Variants in RIMBP2 observed in about 807,000 individuals in gnomAD.
RIMBP2 encodes the protein RIMS-binding protein 2.
RIMBP2 carries 48 observed loss-of-function variants against 118.6 expected under a neutral mutation model. The observed-to-expected ratio is 0.40, with a 90% CI of 0.32 to 0.51. The LOEUF is 0.51. Ranked by LOEUF, RIMBP2 falls within the 20% of genes least tolerant of loss-of-function variation. The pLI is 0.41. For missense variants in RIMBP2, 1,551 were observed against 1,768.3 expected (o/e 0.88, Z 2.20); for synonymous variants, 762 against 742.9 (o/e 1.03, Z -0.42).
chr12:130,639,377 C>G (rs1486825914), intron 1 of RIMBP2, among the ~76,000 whole-genome samples: 2 of 90,732 alleles, frequency 2.2e-5, no homozygotes, highest in African/African-American at 3.6e-5. Flanking sequence ...CAATAAAACT[C>G]CATCTTAAAA....
At chr12:130,541,344 T>A (rs2054585663) in intron 2 of RIMBP2, among the ~76,000 whole-genome samples, 1 of 152,224 alleles carries the variant, frequency 6.6e-6, no homozygotes, top group Admixed American at 6.5e-5. Flanking sequence ...TTCCTTATAG[T>A]AATTCTTAGT....
intron 2 of RIMBP2, among the ~76,000 whole-genome samples, chr12:130,583,968 C>T (rs991559805): frequency 1.3e-5 from 2 of 150,496 alleles, no homozygotes; most frequent in Non-Finnish European, 3.0e-5. Context: ...ACCATCACCA[C>T]CAACACATCA....
intron 2 of RIMBP2, among the ~76,000 whole-genome samples, chr12:130,546,526 C>T (rs1382021658): frequency 6.6e-6 from 1 of 152,122 alleles, no homozygotes; most frequent in East Asian, 1.9e-4. Context: ...AAATTCCCGG[C>T]CTCAAGTGAT....
At chr12:130,657,051 T>C (rs1371759233) in intron 1 of RIMBP2, among the ~76,000 whole-genome samples, 1 of 152,222 alleles carries the variant, frequency 6.6e-6, no homozygotes, top group Non-Finnish European at 1.5e-5. Context: ...TGTACCACCA[T>C]GCCTACTATT....
chr12:130,519,448 A>C (rs1251773092), intron 2 of RIMBP2, among the ~76,000 whole-genome samples: 1 of 152,264 alleles, frequency 6.6e-6, no homozygotes, highest in African/African-American at 2.4e-5. Context: ...ACCTTAGGGA[A>C]AGTGATTGAT....
chr12:130,555,556 T>C (rs903748881), intron 2 of RIMBP2, among the ~76,000 whole-genome samples: 2 of 152,136 alleles, frequency 1.3e-5, no homozygotes, highest in Admixed American at 6.5e-5. Context: ...GAAAAACACA[T>C]TGAAGTGGTA....
chr12:130,438,344 A>AAAAAAAAACC, intron 12 of RIMBP2, 21 bp downstream of exon 12: 1 of 685,544 alleles, frequency 1.5e-6, no homozygotes, highest in Non-Finnish European at 2.3e-6. Context: ...AACCCTCCCC[A>AAAAAAAAACC]CCCACCCAAC....
chr12:130,598,715 A>G (rs1254782517), intron 2 of RIMBP2, among the ~76,000 whole-genome samples: 2 of 151,490 alleles, frequency 1.3e-5, no homozygotes, highest in Admixed American at 1.3e-4. Context: ...GCGACTGAGC[A>G]AGACTCCATT....
At chr12:130,616,509 G>A (rs542678391) in intron 2 of RIMBP2, among the ~76,000 whole-genome samples, 1 of 152,280 alleles carries the variant, frequency 6.6e-6, no homozygotes, top group East Asian at 1.9e-4. Flanking sequence ...TGTCTACAAG[G>A]CAGGATTATT....
chr12:130,481,889 C>T (rs562646601), intron 4 of RIMBP2, among the ~76,000 whole-genome samples: 91 of 152,268 alleles, frequency 6.0e-4, no homozygotes, highest in African/African-American at 1.9e-3. Context: ...CCATTTCTAA[C>T]GGTCTCTTTC....
chr12:130,704,782 G>A (rs954676175), intron 1 of RIMBP2, among the ~76,000 whole-genome samples: 2 of 152,090 alleles, frequency 1.3e-5, no homozygotes, highest in African/African-American at 2.4e-5. Flanking sequence ...CCTGCAAGAC[G>A]GGCCGAGGCT....
chr12:130,598,726 TAA>T lies in RIMBP2; in HGVS notation c.-217+29594_-217+29595del, dbSNP rs137872494. 2.8e-3 allele frequency among the ~76,000 whole-genome samples: 400 copies of T among 140,524 alleles called. 1 individual carries two copies. The highest frequency in any genetic ancestry group is 0.026 in the Middle Eastern group (7 of 266). 92.2% of individuals were successfully genotyped at this position (140,524 alleles called of 152,430 possible). ...CTGGGCGACTGAGCAAGACTCCATT[TAA>T]AAAAAAAAAAAAAATTGGAGAACAT... On this transcript the variant is annotated intron_variant, in intron 2 of 22. Transcript: ENST00000690449.
rs765205251 is a variant in RIMBP2 at position 130,434,742 on chromosome 12, C to G, written c.2245G>C (p.Gly749Arg). The stretch of plus-strand genomic sequence containing the variant: ...GCCCGGCCCGCTCTCACCTGCTTGC[C>G]AAGTTCAGAGCCTTTCAGGAAGTCG... ...VDDFLKGSEL[G>R]KQPHCCHGDE... Residue 749 changes from glycine to arginine, a missense_variant, in exon 14 of 23, where the codon GGC becomes CGC. Physicochemically the swap from Gly to Arg is moderately radical, Grantham distance 125. Around this residue, in one of 5 missense-constraint regions of RIMBP2, gnomAD observed 1,038 missense variants for 1,125.1 expected, o/e 0.92. Coordinates refer to ENST00000690449, the MANE Select transcript of RIMBP2 (RefSeq NM_001393629.1). This position sits in a 1 kb window ranked among gnomAD's most constrained non-coding sequence, Gnocchi z 5.7. 2.2e-5 allele frequency: 35 copies of G among 1,612,828 alleles called. No homozygotes were observed. The highest frequency in any genetic ancestry group is 2.8e-5 in the Non-Finnish European group (33 of 1,179,856).
At chr12:130,554,366 C>T (rs535056498) in intron 2 of RIMBP2, among the ~76,000 whole-genome samples, 3 of 152,242 alleles carry the variant, frequency 2.0e-5, no homozygotes, top group African/African-American at 7.2e-5. Context: ...AGCATTCTGC[C>T]CCCTCATTCA....
intron 2 of RIMBP2, among the ~76,000 whole-genome samples, chr12:130,612,550 C>T (rs976712147): frequency 1.3e-5 from 2 of 152,164 alleles, no homozygotes; most frequent in African/African-American, 4.8e-5. Context: ...GCAACCCAAG[C>T]TAAGAGAGCA....
chr12:130,702,687 C>T (rs2065917846), intron 1 of RIMBP2, among the ~76,000 whole-genome samples: 1 of 152,088 alleles, frequency 6.6e-6, no homozygotes, highest in Non-Finnish European at 1.5e-5. Flanking sequence ...GCAAGCCCTT[C>T]CTGTTTTGTT....
intron 4 of RIMBP2, among the ~76,000 whole-genome samples, chr12:130,498,912 A>G (rs1027256995): frequency 6.6e-6 from 1 of 152,190 alleles, no homozygotes; most frequent in Non-Finnish European, 1.5e-5. Context: ...TCAGCCACTC[A>G]ATTTTGGGGT....
chr12:130,428,503 G>C (rs2136886509), intron 14 of RIMBP2, 166 bp from the exon 15 acceptor site: 1 of 618,226 alleles, frequency 1.6e-6, no homozygotes, highest in Non-Finnish European at 2.7e-6. Context: ...TGAGGCTGGA[G>C]AGAGGACACA....
chr12:130,517,143 G>A (rs1316574375), intron 3 of RIMBP2, among the ~76,000 whole-genome samples: 1 of 152,144 alleles, frequency 6.6e-6, no homozygotes, highest in African/African-American at 2.4e-5. Flanking sequence ...GTCCATTCAT[G>A]GATTAATGGA....
Sources: gnomAD v4.1 joint callset for allele counts (sites outside exome capture counted in the v4.1 genomes callset) on GRCh38, gnomAD v4.1.1 for gene constraint, gnomAD v4.1.1 regional missense constraint, Gnocchi (gnomAD v3.1) non-coding constraint, MANE v1.5 for transcripts, NCBI Gene and HGNC (gene_info 2026-07-23, HGNC 2026-07-21) for gene names.